The following GNB1L variants were observed in gnomAD, a reference collection of about 807,000 sequenced individuals.
The protein encoded by GNB1L is guanine nucleotide-binding protein subunit beta-like protein 1.
GNB1L carries 20 observed loss-of-function variants against 29.1 expected under a neutral mutation model. That is an observed-to-expected ratio of 0.69 (90% CI 0.48 to 1.00). The LOEUF is 1.00. Ranked by LOEUF, GNB1L falls within the 50% of genes least tolerant of loss-of-function variation. The pLI, the probability that GNB1L is intolerant of heterozygous loss-of-function variation, is 0.00. For missense variants in GNB1L, 421 were observed against 464.9 expected (o/e 0.91, Z 0.87); for synonymous variants, 193 against 206.5 (o/e 0.93, Z 0.56).
chr22:19,809,419 CATTCTCCA>C (rs528987961), intron 5 of GNB1L, among the ~76,000 whole-genome samples: 6 of 152,210 alleles, frequency 3.9e-5, no homozygotes, highest in Admixed American at 1.3e-4. Flanking sequence ...ACCTTGCACT[CATTCTCCA>C]AGCCCATGTG....
chr22:19,792,255 T>A, intron 7 of GNB1L: 1 of 639,752 alleles, frequency 1.6e-6, no homozygotes. Flanking sequence ...TCCTTAACTA[T>A]GTTCAAAAAA....
At position 19,849,202 on chromosome 22, in the gene GNB1L, T is replaced by G. The variant is rs549476561; in HGVS notation, c.-21+5241A>C. The G allele has an allele frequency of 3.8e-5, 37 of 985,296 alleles. No homozygotes were observed. The South Asian group carries it at 1.5e-3, about 41-fold the overall frequency. 61.0% of individuals were successfully genotyped at this position (985,296 alleles called of 1,614,324 possible). A position where few individuals can be genotyped will look rare whatever the true frequency, so the allele number is the denominator to read the frequency against. On this transcript the variant is annotated intron_variant, in intron 2 of 7. Coordinates refer to ENST00000329517, the MANE Select transcript of GNB1L (RefSeq NM_053004.3). ...CAGGGCTATACCTGCTTTCTAAAAATAGCTTCCCACCTATTTCCAAGGTTT... is the reference window on the plus strand; with the variant it reads ...CAGGGCTATACCTGCTTTCTAAAAAGAGCTTCCCACCTATTTCCAAGGTTT...
At chr22:19,799,705 TCACAGTGCAGGC>T (rs1937347274) in intron 7 of GNB1L, among the ~76,000 whole-genome samples, 1 of 151,614 alleles carries the variant, frequency 6.6e-6, no homozygotes, top group Non-Finnish European at 1.5e-5. Flanking sequence ...AGCCAAGGAG[TCACAGTGCAGGC>T]GGTGGGTGAG....
intron 4 of GNB1L, among the ~76,000 whole-genome samples, chr22:19,817,612 G>A (rs1601334167): frequency 6.6e-6 from 1 of 152,226 alleles, no homozygotes; most frequent in East Asian, 1.9e-4. Flanking sequence ...ATGTCTCCAC[G>A]CTTCCAAAGA....
At chr22:19,791,370 A>G (rs1035016630) in intron 7 of GNB1L, among the ~76,000 whole-genome samples, 6 of 152,244 alleles carry the variant, frequency 3.9e-5, no homozygotes, top group Non-Finnish European at 7.3e-5. Flanking sequence ...ACAACCATAA[A>G]AAGTGGACAA....
chr22:19,834,338 C>A (rs1361936130), intron 2 of GNB1L, among the ~76,000 whole-genome samples: 1 of 152,126 alleles, frequency 6.6e-6, no homozygotes. Context: ...TAAAGATTCC[C>A]AGATGAGGGC....
chr22:19,850,086 C>G, intron 2 of GNB1L: 1 of 985,816 alleles, frequency 1.0e-6, no homozygotes, highest in Non-Finnish European at 1.2e-6. Context: ...TCAGCCCCAC[C>G]CAGCTTCTTT....
At chr22:19,804,089 C>T (rs968505254) in intron 6 of GNB1L, among the ~76,000 whole-genome samples, 3 of 152,256 alleles carry the variant, frequency 2.0e-5, no homozygotes, top group Non-Finnish European at 2.9e-5. Flanking sequence ...GGGGCTTGCC[C>T]TGTGGTTGCC....
intron 2 of GNB1L, among the ~76,000 whole-genome samples, chr22:19,822,599 G>A (rs895053635): frequency 1.3e-5 from 2 of 152,226 alleles, no homozygotes; most frequent in African/African-American, 2.4e-5. Context: ...GTCACAGGGG[G>A]CCTTTCCCAC....
intron 4 of GNB1L, among the ~76,000 whole-genome samples, chr22:19,820,174 C>G (rs147027915): frequency 6.8e-4 from 103 of 152,326 alleles, no homozygotes; most frequent in African/African-American, 2.4e-3. Flanking sequence ...CTTGGGACCA[C>G]TGCCTGCATC....
chr22:19,805,342 C>T lies in GNB1L; in HGVS notation c.516+1317G>A, dbSNP rs75135943. On this transcript the variant is annotated intron_variant, in intron 6 of 7. Transcript: ENST00000329517. ...GCAGGGACTCTGGGGGTACCCATCC[C>T]GGTGGGCCTTGCAGGGCATGCAGAT... is the stretch of plus-strand genomic sequence containing the variant. Among the ~76,000 whole-genome samples the T allele has an allele frequency of 5.5e-3, 837 of 152,316 alleles. 22 individuals are homozygous for T. In the South Asian group the frequency reaches 0.082, roughly 15 times the overall value.
chr22:19,788,409 T>C lies in GNB1L; in HGVS notation c.*300A>G. On this transcript the variant is annotated 3_prime_UTR_variant, in exon 8 of 8. Transcript: ENST00000329517. The stretch of plus-strand genomic sequence containing the variant: ...CCTCAGGGAGCTCCCACCTCAAGCC[T>C]GCAACTTGGCAATGGAAATTTATTA... The C allele has an allele frequency of 1.7e-6, 1 of 590,984 alleles. No individual in the cohort carries two copies. The allele number at this position is 590,984 out of a possible 1,614,324, so 36.6% of individuals were successfully genotyped here. A position where few individuals can be genotyped will look rare whatever the true frequency, so the allele number is the denominator to read the frequency against.
chr22:19,787,399 G>A lies in GNB1L; in HGVS notation c.*1310C>T, dbSNP rs1937201236. 1 of 152,494 alleles carries A rather than the reference G, an allele frequency of 6.6e-6. No individual in the cohort carries two copies. The highest frequency in any genetic ancestry group is 1.5e-5 in the Non-Finnish European group (1 of 68,300). The allele number at this position is 152,494 out of a possible 1,614,324, so 9.4% of individuals were successfully genotyped here. A position where few individuals can be genotyped will look rare whatever the true frequency, so the allele number is the denominator to read the frequency against. On this transcript the variant is annotated 3_prime_UTR_variant, in exon 8 of 8. Transcript: ENST00000329517. Reference sequence around the variant, plus strand: ...CCTCCGTTTGGCAGGTCTGTTCCGGGAACTCCCCTGATCCACCCCTGCTCC... The same window carrying A: ...CCTCCGTTTGGCAGGTCTGTTCCGGAAACTCCCCTGATCCACCCCTGCTCC...
intron 2 of GNB1L, among the ~76,000 whole-genome samples, chr22:19,832,248 T>C (rs1401365633): frequency 6.6e-6 from 1 of 152,182 alleles, no homozygotes; most frequent in Non-Finnish European, 1.5e-5. Flanking sequence ...GAGGATCACT[T>C]AAGCCCAGGA....
chr22:19,792,828 G>A lies in GNB1L; in HGVS notation c.733-3868C>T, dbSNP rs1656859843. 9 of 1,241,292 alleles carry A rather than the reference G, an allele frequency of 7.3e-6. No homozygotes were observed. The Admixed American group carries it at 1.6e-4, about 22-fold the overall frequency. 76.9% of individuals were successfully genotyped at this position (1,241,292 alleles called of 1,614,324 possible). On this transcript the variant is annotated intron_variant, in intron 7 of 7. Coordinates refer to ENST00000329517, the MANE Select transcript of GNB1L (RefSeq NM_053004.3). ...GCCTGCCTTGTGTCGTAAAATGGGGGTCCCTTACTGCATTATCAAGGGGAA... is the reference window on the plus strand; with the variant it reads ...GCCTGCCTTGTGTCGTAAAATGGGGATCCCTTACTGCATTATCAAGGGGAA...
chr22:19,850,886 C>A, intron 2 of GNB1L: 18 of 1,333,092 alleles, frequency 1.4e-5, no homozygotes, highest in Non-Finnish European at 1.7e-5. Context: ...ACGACCCCCT[C>A]GTGGGAGCAG....
intron 6 of GNB1L, among the ~76,000 whole-genome samples, chr22:19,802,839 G>C (rs1253574973): frequency 1.3e-5 from 2 of 152,258 alleles, no homozygotes; most frequent in Admixed American, 6.5e-5. Context: ...TGAGGGCGCG[G>C]GTCAGAGGGC....
At chr22:19,806,527 G>A in intron 6 of GNB1L, 132 bp downstream of exon 6, 1 of 625,382 alleles carries the variant, frequency 1.6e-6, no homozygotes, top group Non-Finnish European at 2.8e-6. Flanking sequence ...TGAGGCAGCT[G>A]CACAGGTTCC....
rs113859484 is a variant in GNB1L, at chr22:19,806,317, C to T, written c.516+342G>A. Reference sequence around the variant, plus strand: ...TGGCCTGCCCTGCCCTAAGCACGGCCCAAGTACTGAGGCGCTGGCAGACCC... The same window carrying T: ...TGGCCTGCCCTGCCCTAAGCACGGCTCAAGTACTGAGGCGCTGGCAGACCC... On this transcript the variant is annotated intron_variant, in intron 6 of 7. Coordinates refer to ENST00000329517, the MANE Select transcript of GNB1L (RefSeq NM_053004.3). 3.6e-3 allele frequency among the ~76,000 whole-genome samples: 548 copies of T among 152,366 alleles called. 2 individuals carry two copies. The highest frequency in any genetic ancestry group is 0.011 in the African/African-American group (476 of 41,582).
Sources: gnomAD v4.1 joint callset for allele counts (sites outside exome capture counted in the v4.1 genomes callset) on GRCh38, gnomAD v4.1.1 for gene constraint, MANE v1.5 for transcripts, NCBI Gene and HGNC (gene_info 2026-07-23, HGNC 2026-07-21) for gene names.